VIT: variants seen among roughly 807,000 people sequenced by gnomAD.
VIT encodes vitrin.
Under a neutral mutation model 78.0 loss-of-function variants are expected in VIT, and 99 were observed. That is an observed-to-expected ratio of 1.27 (90% CI 1.08 to 1.50). The LOEUF (loss-of-function observed/expected upper bound fraction) is 1.50. Ranked by LOEUF, VIT falls within the 40% of genes most tolerant of loss-of-function variation. The pLI, the probability that VIT is intolerant of heterozygous loss-of-function variation, is 0.00. For synonymous variants in VIT, 374 were observed against 334.3 expected, an observed-to-expected ratio of 1.12 and a Z score of -1.29; for missense variants, 1,126 against 875.3, an observed-to-expected ratio of 1.29 and a Z score of -3.61.
chr2:36,761,998 A>G (rs1178636732), intron 6 of VIT, among the ~76,000 whole-genome samples: 1 of 152,248 alleles, frequency 6.6e-6, no homozygotes, highest in Non-Finnish European at 1.5e-5. Flanking sequence ...AAAGTATGCA[A>G]ACTCGGTATC....
rs142790761 is a variant in VIT, at chr2:36,725,609, G to C, written c.53-3817G>C. 9.0e-5 allele frequency among the ~76,000 whole-genome samples: 9 copies of C among 100,494 alleles called. 1 individual carries two copies. Among genetic ancestry groups the C allele is most frequent in the Non-Finnish European group, 1.5e-4 (8 of 53,462 alleles). 65.9% of individuals were successfully genotyped at this position (100,494 alleles called of 152,430 possible). ...GGAATTCTAGTTGAGGGGTGGGGGG[G>C]GGGTGGGTAAACAAACATTGAGACC... On this transcript the variant is annotated intron_variant, in intron 2 of 15. Coordinates refer to ENST00000379242, the MANE Select transcript of VIT (RefSeq NM_053276.4).
intron 6 of VIT, among the ~76,000 whole-genome samples, chr2:36,763,326 C>T (rs1409040457): frequency 1.3e-5 from 2 of 152,102 alleles, no homozygotes; most frequent in Admixed American, 6.5e-5. Flanking sequence ...GGAGCTCTTC[C>T]GACCACACCC....
rs1553364615 is a variant in VIT, at chr2:36,726,832, A to AAAC, written c.53-2592_53-2591insCAA. Among the ~76,000 whole-genome samples, 922 of 148,130 alleles carry AAAC rather than the reference A, an allele frequency of 6.2e-3. 19 individuals carry two copies. The highest frequency in any genetic ancestry group is 0.021 in the African/African-American group (869 of 40,526). On this transcript the variant is annotated intron_variant, in intron 2 of 15. Coordinates refer to ENST00000379242, the MANE Select transcript of VIT (RefSeq NM_053276.4). ...GGACTCTGTCTCAAAAAAAAAAAAA[A>AAAC]AAAAAAAAAAACAAAACCTCAGAAG... is the stretch of plus-strand genomic sequence containing the variant.
chr2:36,809,619 T>C (rs546620145), intron 15 of VIT, among the ~76,000 whole-genome samples: 1 of 152,286 alleles, frequency 6.6e-6, no homozygotes, highest in South Asian at 2.1e-4. Flanking sequence ...GATTTCGCCA[T>C]GTTGGTCACG....
chr2:36,783,733 C>T (rs1364223013), intron 11 of VIT, among the ~76,000 whole-genome samples: 1 of 151,992 alleles, frequency 6.6e-6, no homozygotes, highest in Non-Finnish European at 1.5e-5. Context: ...GTGGCCAGAA[C>T]TCGGAGTTGG....
chr2:36,788,292 C>T (rs11690186), intron 12 of VIT, among the ~76,000 whole-genome samples: 10,617 of 152,236 alleles, frequency 0.07, 387 homozygotes, highest in African/African-American at 0.084. Flanking sequence ...GGGTCTCCAG[C>T]GCCTTCAGAG....
At chr2:36,777,294 T>A (rs1057193099) in intron 9 of VIT, among the ~76,000 whole-genome samples, 1 of 151,766 alleles carries the variant, frequency 6.6e-6, no homozygotes, top group African/African-American at 2.4e-5. Context: ...TGAGAACCTT[T>A]GAGAGTGCCT....
chr2:36,701,537 G>A (rs930399644), intron 1 of VIT, among the ~76,000 whole-genome samples: 3 of 152,172 alleles, frequency 2.0e-5, no homozygotes, highest in East Asian at 1.9e-4. Flanking sequence ...CTGTGTGGAC[G>A]TGTGGTAAAA....
chr2:36,750,327 C>T (rs919706167), intron 4 of VIT, among the ~76,000 whole-genome samples: 23 of 152,270 alleles, frequency 1.5e-4, no homozygotes, highest in African/African-American at 5.1e-4. Context: ...TCTTTGTACA[C>T]ACTCCAGTGT....
intron 1 of VIT, among the ~76,000 whole-genome samples, chr2:36,697,936 G>A (rs1374420235): frequency 1.3e-5 from 2 of 152,182 alleles, no homozygotes; most frequent in African/African-American, 4.8e-5. Flanking sequence ...TTCTGAGGTT[G>A]TTTTTCCCTT....
chr2:36,762,433 G>A (rs1669180409), intron 6 of VIT, among the ~76,000 whole-genome samples: 1 of 152,064 alleles, frequency 6.6e-6, no homozygotes, highest in Non-Finnish European at 1.5e-5. Context: ...CATTGAGTGA[G>A]CATCTCCTAC....
intron 7 of VIT, among the ~76,000 whole-genome samples, chr2:36,771,828 G>C (rs570296251): frequency 9.2e-5 from 14 of 152,318 alleles, no homozygotes; most frequent in African/African-American, 3.4e-4. Context: ...GTAGTAAAAT[G>C]TTGAGAAATA....
chr2:36,769,998 C>G (rs1669651298), intron 7 of VIT, among the ~76,000 whole-genome samples: 2 of 152,168 alleles, frequency 1.3e-5, no homozygotes, highest in East Asian at 3.8e-4. Flanking sequence ...AATTGGAAAG[C>G]AAATCTCCTT....
intron 15 of VIT, among the ~76,000 whole-genome samples, chr2:36,812,179 A>G (rs916562207): frequency 6.6e-6 from 1 of 152,142 alleles, no homozygotes; most frequent in Non-Finnish European, 1.5e-5. Context: ...GGAGGGAGAA[A>G]GGGGACTGGC....
Position 36,787,155 on chromosome 2 carries a change from A to G in VIT, c.937A>G (p.Ile313Val), listed in dbSNP as rs767821287. The part of the protein sequence containing the change: ...PNCKIDLSFL[I>V]DGSTSIGKRR... Reference sequence around the variant, plus strand: ...CTGCAAAATTGACTTGTCGTTTTTAATTGATGGGAGCACCAGCATTGGCAA... The same window carrying G: ...CTGCAAAATTGACTTGTCGTTTTTAGTTGATGGGAGCACCAGCATTGGCAA... The change falls in exon 12 of 16, where the codon ATT (isoleucine) becomes GTT (valine). Residue 313 changes from isoleucine (I) to valine (V), a missense_variant. Coordinates refer to ENST00000379242, the MANE Select transcript of VIT (RefSeq NM_053276.4). 4.3e-6 allele frequency: 7 copies of G among 1,614,120 alleles called. No individual in the cohort carries two copies. In the South Asian group the frequency reaches 7.7e-5, roughly 18 times the overall value.
chr2:36,725,606 G>T (rs1420083992), intron 2 of VIT, among the ~76,000 whole-genome samples: 3 of 103,030 alleles, frequency 2.9e-5, no homozygotes, highest in East Asian at 7.1e-4. Flanking sequence ...GAGGGGTGGG[G>T]GGGGGGTGGG....
At chr2:36,707,297 C>T (rs1040309676) in intron 1 of VIT, among the ~76,000 whole-genome samples, 5 of 152,122 alleles carry the variant, frequency 3.3e-5, no homozygotes, top group East Asian at 1.9e-4. Context: ...CTCCTCCCCT[C>T]GAGTTAGCAT....
At chr2:36,796,938 T>A (rs1665945123) in intron 12 of VIT, among the ~76,000 whole-genome samples, 1 of 152,176 alleles carries the variant, frequency 6.6e-6, no homozygotes, top group South Asian at 2.1e-4. Context: ...GTAATTCAGT[T>A]TTTATAAATT....
intron 8 of VIT, chr2:36,774,493 C>T: frequency 1.0e-6 from 1 of 985,286 alleles, no homozygotes; most frequent in African/African-American, 1.7e-5. Flanking sequence ...GTATACCATT[C>T]CCTCTGAAGC....
Sources: allele counts gnomAD v4.1 joint callset (sites outside exome capture counted in the v4.1 genomes callset), GRCh38; gene constraint gnomAD v4.1.1; transcripts MANE v1.5; gene names NCBI Gene and HGNC (gene_info 2026-07-23, HGNC 2026-07-21).